Variants in ARMC9 observed in about 807,000 individuals in gnomAD.
ARMC9 encodes the protein lisH domain-containing protein ARMC9.
ARMC9 carries 94 observed loss-of-function variants against 107.0 expected under a neutral mutation model. That is an observed-to-expected ratio of 0.88 (90% CI 0.74 to 1.04). The LOEUF (loss-of-function observed/expected upper bound fraction) is 1.04. Among genes scored for constraint, ARMC9 ranks in the 50% least tolerant of loss-of-function variants. The pLI is 0.00. For synonymous variants in ARMC9, 380 were observed against 396.9 expected (o/e 0.96, Z 0.51); for missense variants, 942 against 1,030.1 (o/e 0.91, Z 1.17).
At position 231,226,782 on chromosome 2, in the gene ARMC9, T is replaced by C; in HGVS notation, c.606T>C (p.Asn202=). The C allele has an allele frequency of 1.2e-6, 2 of 1,613,784 alleles. No homozygotes were observed. Among genetic ancestry groups the C allele is most frequent in the Non-Finnish European group, 1.7e-6 (2 of 1,179,752 alleles). ...CTTCTTTTTCATCCCAGAAGGAGAA[T>C]GGACAAAGTAACAAAGGTAAATCAT... ...TPKLLTIYKE[N]GQSNKEILQQ... The change falls in exon 7 of 25, where the codon AAT becomes AAC. Residue 202 remains asparagine, a synonymous_variant. Coordinates refer to ENST00000611582, the MANE Select transcript of ARMC9 (RefSeq NM_001352754.2).
intron 19 of ARMC9, among the ~76,000 whole-genome samples, chr2:231,301,726 C>T (rs2041739227): frequency 6.6e-6 from 1 of 152,050 alleles, no homozygotes; most frequent in Non-Finnish European, 1.5e-5. Flanking sequence ...ACGCCTGAAT[C>T]CCAGCAATTT....
At chr2:231,304,231 A>G (rs574170445) in intron 19 of ARMC9, among the ~76,000 whole-genome samples, 3 of 152,144 alleles carry the variant, frequency 2.0e-5, no homozygotes, top group Non-Finnish European at 4.4e-5. Context: ...TCTCAATAAT[A>G]ATAATAATCA....
rs150018060 is a variant in ARMC9, at chr2:231,210,307, C to A, written c.177+2055C>A. 5.9e-3 allele frequency among the ~76,000 whole-genome samples: 901 copies of A among 152,304 alleles called. 9 individuals carry two copies. The highest frequency in any genetic ancestry group is 0.021 in the African/African-American group (871 of 41,560). On this transcript the variant is annotated intron_variant, in intron 3 of 24. Coordinates refer to ENST00000611582, the MANE Select transcript of ARMC9 (RefSeq NM_001352754.2). ...GCAGCCAGACCTCCCTGGCACCCCC[C>A]ACACCTAGAACGATATGTTCAGAAC...
chr2:231,316,858 G>GT (rs2042719785), intron 19 of ARMC9, among the ~76,000 whole-genome samples: 1 of 152,016 alleles, frequency 6.6e-6, no homozygotes, highest in Non-Finnish European at 1.5e-5. Flanking sequence ...TACCTCCCAG[G>GT]TTCAAGCAAT....
At chr2:231,322,166 C>T (rs745573060) in intron 19 of ARMC9, among the ~76,000 whole-genome samples, 7 of 152,234 alleles carry the variant, frequency 4.6e-5, no homozygotes, top group Admixed American at 2.0e-4. Flanking sequence ...CTCCGCGTCG[C>T]GGGGAGCCCT....
chr2:231,286,768 G>A (rs1390654877), intron 17 of ARMC9, among the ~76,000 whole-genome samples: 1 of 152,152 alleles, frequency 6.6e-6, no homozygotes, highest in Non-Finnish European at 1.5e-5. Context: ...AAGAATGTAT[G>A]TGCTCATGGA....
At chr2:231,208,425 C>T (rs1224254023) in intron 3 of ARMC9, among the ~76,000 whole-genome samples, 173 bp downstream of exon 3, 1 of 152,222 alleles carries the variant, frequency 6.6e-6, no homozygotes, top group Non-Finnish European at 1.5e-5. Context: ...TCTCTGTACC[C>T]TCCCCAGGAA....
At position 231,374,728 on chromosome 2, in the gene ARMC9, CCA is replaced by C. The variant is rs1351969393; in HGVS notation, c.*3194_*3195del. ...GGCTTGTCTAACCCTAATCCCAGCCCCAGTTTTAATAAAACTGTATTTACAAA... is the reference window on the plus strand; with the variant it reads ...GGCTTGTCTAACCCTAATCCCAGCCCGTTTTAATAAAACTGTATTTACAAA... On this transcript the variant is annotated 3_prime_UTR_variant, in exon 25 of 25. Transcript: ENST00000611582. The C allele has an allele frequency of 6.6e-6, 1 of 152,126 alleles. No homozygotes were observed. Among genetic ancestry groups the C allele is most frequent in the African/African-American group, 2.4e-5 (1 of 41,424 alleles). 9.4% of individuals were successfully genotyped at this position (152,126 alleles called of 1,614,324 possible).
chr2:231,369,151 A>G (rs1442226421), intron 23 of ARMC9, among the ~76,000 whole-genome samples: 1 of 152,104 alleles, frequency 6.6e-6, no homozygotes, highest in Non-Finnish European at 1.5e-5. Flanking sequence ...GGTGTCAGGG[A>G]ACTCCCGTGC....
chr2:231,222,907 T>A, intron 6 of ARMC9, 87 bp downstream of exon 6: 1 of 828,038 alleles, frequency 1.2e-6, no homozygotes, highest in Non-Finnish European at 1.9e-6. Flanking sequence ...TTATTGAGGT[T>A]GCCTCATTAA....
At chr2:231,270,808 C>T (rs2039258516) in intron 12 of ARMC9, 174 bp from the exon 13 acceptor site, 1 of 708,384 alleles carries the variant, frequency 1.4e-6, no homozygotes, top group Admixed American at 2.1e-5. Context: ...TGCCAAGTCT[C>T]ATCAAATTTC....
chr2:231,316,389 A>G (rs1159436114), intron 19 of ARMC9, among the ~76,000 whole-genome samples: 1 of 152,088 alleles, frequency 6.6e-6, no homozygotes, highest in Non-Finnish European at 1.5e-5. Context: ...GGCAGGGCGC[A>G]GTGGTTCATG....
chr2:231,329,140 G>T (rs1177104604), intron 19 of ARMC9, among the ~76,000 whole-genome samples: 1 of 150,168 alleles, frequency 6.7e-6, no homozygotes, highest in Non-Finnish European at 1.5e-5. Flanking sequence ...AATTTTCTTT[G>T]CCCTTTCCAT....
At chr2:231,244,364 C>CTTTTT (rs780440851) in intron 9 of ARMC9, among the ~76,000 whole-genome samples, 2 of 129,908 alleles carry the variant, frequency 1.5e-5, no homozygotes. Context: ...GAATGTGGAT[C>CTTTTT]TTTTTTTTTT....
At chr2:231,203,536 A>G (rs1031650851) in intron 1 of ARMC9, among the ~76,000 whole-genome samples, 1 of 152,158 alleles carries the variant, frequency 6.6e-6, no homozygotes, top group African/African-American at 2.4e-5. Context: ...CAACATGCAT[A>G]TTAAAAAATG....
At chr2:231,231,019 T>C (rs544257039) in intron 7 of ARMC9, among the ~76,000 whole-genome samples, 1 of 152,364 alleles carries the variant, frequency 6.6e-6, no homozygotes, top group South Asian at 2.1e-4. Context: ...ATCCCGGAGA[T>C]GTGCCACACT....
chr2:231,360,873 G>A lies in ARMC9; in HGVS notation c.2251G>A (p.Val751Met). 6.5e-7 allele frequency: 1 copy of A among 1,532,412 alleles called. No homozygotes were observed. The highest frequency in any genetic ancestry group is 8.7e-7 in the Non-Finnish European group (1 of 1,145,094). 94.9% of individuals were successfully genotyped at this position (1,532,412 alleles called of 1,614,324 possible). The part of the protein sequence containing the change: ...REAPQDPGNG[V>M]TTRECASAFT... ...GGCGCCCCAGGACCCAGGCAATGGA[G>A]TGACCACCAGGTAAGGGGGATATCA... Residue 751 changes from valine to methionine, a missense_variant, in exon 23 of 25, where the codon GTG becomes ATG. By Grantham distance (21) the Val-to-Met change is conservative. Transcript: ENST00000611582. The surrounding 1 kb of genome is among the most constrained non-coding windows in gnomAD (Gnocchi z 4.7).
chr2:231,371,749 G>T lies in ARMC9; in HGVS notation c.*214G>T. The T allele has an allele frequency of 2.4e-6, 1 of 419,038 alleles. No individual in the cohort carries two copies. The highest frequency in any genetic ancestry group is 4.1e-6 in the Non-Finnish European group (1 of 246,490). 26.0% of individuals were successfully genotyped at this position (419,038 alleles called of 1,614,324 possible). A position where few individuals can be genotyped will look rare whatever the true frequency, so the allele number is the denominator to read the frequency against. ...TCCCAGGGCAGAGCCACCAAGGAGG[G>T]CTGGGGAGAGCCTGGCATTGCCCTC... On this transcript the variant is annotated 3_prime_UTR_variant, in exon 25 of 25. Coordinates refer to ENST00000611582, the MANE Select transcript of ARMC9 (RefSeq NM_001352754.2).
chr2:231,340,553 G>T (rs1286672711), intron 20 of ARMC9, among the ~76,000 whole-genome samples: 1 of 152,158 alleles, frequency 6.6e-6, no homozygotes, highest in Non-Finnish European at 1.5e-5. Context: ...ATTTGACTAT[G>T]CATGGAAGGT....
Sources: gnomAD v4.1 joint callset for allele counts (sites outside exome capture counted in the v4.1 genomes callset) on GRCh38, gnomAD v4.1.1 for gene constraint, Gnocchi (gnomAD v3.1) non-coding constraint, MANE v1.5 for transcripts, NCBI Gene and HGNC (gene_info 2026-07-23, HGNC 2026-07-21) for gene names.